Variants in COL20A1 observed in about 807,000 individuals in gnomAD.
The protein encoded by COL20A1 is collagen alpha-1(XX) chain.
Under a neutral mutation model 152.9 loss-of-function variants are expected in COL20A1, and 164 were observed. The observed-to-expected ratio is 1.07, with a 90% CI of 0.94 to 1.22. The LOEUF is 1.22. Ranked by LOEUF, COL20A1 falls within the 50% of genes most tolerant of loss-of-function variation. The pLI is 0.00. For synonymous variants in COL20A1, 864 were observed against 756.0 expected, an observed-to-expected ratio of 1.14 and a Z score of -2.34; for missense variants, 1,873 against 1,744.8, an observed-to-expected ratio of 1.07 and a Z score of -1.31.
chr20:63,295,311 A>G, intron 2 of COL20A1, 122 bp downstream of exon 2: 1 of 647,216 alleles, frequency 1.5e-6, no homozygotes. Context: ...TGCGTGCTGA[A>G]TTCACAGCAG....
At position 63,306,303 on chromosome 20, in the gene COL20A1, G is replaced by A. The variant is rs566418654; in HGVS notation, c.496+264G>A. Among the ~76,000 whole-genome samples, 130 of 122,128 alleles carry A rather than the reference G, an allele frequency of 1.1e-3. No homozygotes were observed. The highest frequency in any genetic ancestry group is 3.7e-3 in the African/African-American group (114 of 31,216). The allele number at this position is 122,128 out of a possible 152,430, so 80.1% of individuals were successfully genotyped here. A position where few individuals can be genotyped will look rare whatever the true frequency, so the allele number is the denominator to read the frequency against. ...GTCTGACCACACGGTCTCTGACCAC[G>A]AGGCCGGGAAGTTCTTCCTCGTGTC... On this transcript the variant is annotated intron_variant, in intron 5 of 35. Coordinates refer to ENST00000358894, the MANE Select transcript of COL20A1 (RefSeq NM_020882.4). This position sits in a 1 kb window ranked among gnomAD's most constrained non-coding sequence, Gnocchi z 6.9.
intron 27 of COL20A1, among the ~76,000 whole-genome samples, chr20:63,324,069 T>C (rs1158547509): frequency 6.6e-6 from 1 of 152,188 alleles, no homozygotes; most frequent in Non-Finnish European, 1.5e-5. Context: ...ACCCACTCGG[T>C]TCTCCTTCAT....
At chr20:63,328,185 C>A (rs1157504996) in intron 33 of COL20A1, 58 bp downstream of exon 33, 3 of 1,596,810 alleles carry the variant, frequency 1.9e-6, no homozygotes, top group South Asian at 2.2e-5. Flanking sequence ...GCCTACCACA[C>A]CTGTCTGTCC....
chr20:63,330,249 T>C (rs898450234), intron 35 of COL20A1, among the ~76,000 whole-genome samples: 1 of 151,976 alleles, frequency 6.6e-6, no homozygotes. Flanking sequence ...CAGGAGCAGG[T>C]GGTGGGTACA....
At position 63,316,695 on chromosome 20, in the gene COL20A1, T is replaced by G; in HGVS notation, c.2663+4T>G. 1 of 1,544,344 alleles carries G rather than the reference T, an allele frequency of 6.5e-7. No individual in the cohort carries two copies. Among genetic ancestry groups the G allele is most frequent in the Non-Finnish European group, 8.7e-7 (1 of 1,144,524 alleles). On this transcript the variant is annotated splice_donor_region_variant and intron_variant, in intron 21 of 35. Transcript: ENST00000358894. ...CCCAGCTGACAAGACGGGTCAGGTG[T>G]GAGGGCAAGGGCTGGGGTGGAGCTG... is the stretch of plus-strand genomic sequence containing the variant.
chr20:63,305,414 CA>C lies in COL20A1; in HGVS notation c.194-2del, dbSNP rs1336348496. 6.6e-7 allele frequency: 1 copy of C among 1,526,326 alleles called. No homozygotes were observed. Among genetic ancestry groups the C allele is most frequent in the African/African-American group, 1.4e-5 (1 of 70,914 alleles). 94.5% of individuals were successfully genotyped at this position (1,526,326 alleles called of 1,614,324 possible). On this transcript the variant is annotated splice_acceptor_variant, in intron 3 of 35. Transcript: ENST00000358894. LOFTEE classifies it high-confidence loss of function. This position sits in a 1 kb window ranked among gnomAD's most constrained non-coding sequence, Gnocchi z 4.9. ...CTCTAAAGCTCTCCCCACCCCTACC[CA>C]GGGGACTCGGAACAGGAGGTGATAC... is the stretch of plus-strand genomic sequence containing the variant.
chr20:63,298,153 C>T, intron 3 of COL20A1, 133 bp downstream of exon 3: 1 of 623,760 alleles, frequency 1.6e-6, no homozygotes, highest in Non-Finnish European at 2.8e-6. Flanking sequence ...CCTCTCTGGC[C>T]TTGGTCTCTG....
chr20:63,294,667 C>G (rs944635941), intron 1 of COL20A1, among the ~76,000 whole-genome samples: 2 of 152,172 alleles, frequency 1.3e-5, no homozygotes, highest in Admixed American at 1.3e-4. Flanking sequence ...GCCACAGGGA[C>G]TCCACATGTC....
At chr20:63,327,928 CT>C in intron 31 of COL20A1, 23 bp from the exon 32 acceptor site, 1 of 1,583,086 alleles carries the variant, frequency 6.3e-7, no homozygotes, top group Non-Finnish European at 8.6e-7. Flanking sequence ...CTGCTGACTT[CT>C]TTTCTCTTCC....
chr20:63,329,047 C>T (rs980872940), intron 34 of COL20A1: 4 of 168,868 alleles, frequency 2.4e-5, no homozygotes, highest in Non-Finnish European at 3.8e-5. Flanking sequence ...GGAGAACAGA[C>T]GGGGGATGAC....
rs543032944 is a variant in COL20A1, at chr20:63,307,432, G to A, written c.497-58G>A. 2.6e-6 allele frequency: 4 copies of A among 1,530,126 alleles called. No homozygotes were observed. In the African/African-American group the frequency reaches 4.1e-5, roughly 16 times the overall value. The allele number at this position is 1,530,126 out of a possible 1,614,324, so 94.8% of individuals were successfully genotyped here. On this transcript the variant is annotated intron_variant, in intron 5 of 35. Coordinates refer to ENST00000358894, the MANE Select transcript of COL20A1 (RefSeq NM_020882.4). ...CTGGAGCCCCGGGGTAGGTGATCTG[G>A]GGGCCTTGGACCAGGGATGGGCCTC...
chr20:63,297,379 G>A (rs2067809923), intron 2 of COL20A1, among the ~76,000 whole-genome samples: 1 of 151,684 alleles, frequency 6.6e-6, no homozygotes, highest in Non-Finnish European at 1.5e-5. Context: ...ACTCAGCTCA[G>A]GGGACCCAGC....
chr20:63,307,373 C>A (rs1011204950), intron 5 of COL20A1, 117 bp from the exon 6 acceptor site: 1 of 1,015,978 alleles, frequency 9.8e-7, no homozygotes, highest in Non-Finnish European at 1.4e-6. Context: ...GTCCTTTCCC[C>A]TGAAACCTGG....
At chr20:63,298,979 A>T (rs962549691) in intron 3 of COL20A1, among the ~76,000 whole-genome samples, 1 of 152,166 alleles carries the variant, frequency 6.6e-6, no homozygotes, top group East Asian at 1.9e-4. Flanking sequence ...CTCCAACAGC[A>T]TGGACTAGTT....
At chr20:63,330,554 C>G (rs1296612171) in intron 35 of COL20A1, among the ~76,000 whole-genome samples, 166 bp from the exon 36 acceptor site, 1 of 152,074 alleles carries the variant, frequency 6.6e-6, no homozygotes, top group East Asian at 1.9e-4. Context: ...ATCCTGCCCA[C>G]TTACGGCCCT....
chr20:63,328,308 G>A, intron 33 of COL20A1, 23 bp from the exon 34 acceptor site: 1 of 1,599,590 alleles, frequency 6.3e-7, no homozygotes, highest in Non-Finnish European at 8.5e-7. Flanking sequence ...ACTGTGTCCT[G>A]CTGACACCCC....
chr20:63,325,941 G>A (rs576200481), intron 29 of COL20A1, among the ~76,000 whole-genome samples, 155 bp from the exon 30 acceptor site: 2 of 152,116 alleles, frequency 1.3e-5, no homozygotes, highest in Non-Finnish European at 2.9e-5. Context: ...CAGGGTGGGT[G>A]GGGGAGTGGC....
In COL20A1 at chr20:63,323,124, T is replaced by C. The variant is rs6090361; in HGVS notation, c.3294+1013T>C. Among the ~76,000 whole-genome samples, 589 of 152,386 alleles carry C rather than the reference T, an allele frequency of 3.9e-3. 6 individuals carry two copies. The highest frequency in any genetic ancestry group is 0.019 in the South Asian group (92 of 4,828). The stretch of plus-strand genomic sequence containing the variant: ...GCCGCGTCTGATAGATGAAAATGCA[T>C]TTCTCTTCCAAGCAGCGTGAATGCC... On this transcript the variant is annotated intron_variant, in intron 27 of 35. Transcript: ENST00000358894.
rs1053301294 is a variant in COL20A1, at chr20:63,306,182, G to C, written c.496+143G>C. On this transcript the variant is annotated intron_variant, in intron 5 of 35. Coordinates refer to ENST00000358894, the MANE Select transcript of COL20A1 (RefSeq NM_020882.4). The surrounding 1 kb of genome is among the most constrained non-coding windows in gnomAD (Gnocchi z 6.9). ...ACGAGGCCAGGAAGTTCTTCCTCGT[G>C]TCTGACCACACGGTCTCTGACCACG... The C allele has an allele frequency of 1.9e-5, 12 of 645,688 alleles. No individual in the cohort carries two copies. The highest frequency in any genetic ancestry group is 3.1e-5 in the Non-Finnish European group (12 of 383,652). The allele number at this position is 645,688 out of a possible 1,614,324, so 40.0% of individuals were successfully genotyped here.
Sources: gnomAD v4.1 joint callset for allele counts (sites outside exome capture counted in the v4.1 genomes callset) on GRCh38, gnomAD v4.1.1 for gene constraint, Gnocchi (gnomAD v3.1) non-coding constraint, MANE v1.5 for transcripts, NCBI Gene and HGNC (gene_info 2026-07-23, HGNC 2026-07-21) for gene names.